The following OSBPL6 variants were observed in gnomAD, a reference collection of about 807,000 sequenced individuals.
OSBPL6 encodes oxysterol-binding protein-related protein 6.
A neutral mutation model predicts 125.8 loss-of-function variants in OSBPL6; 49 were observed. The ratio of observed to expected loss-of-function variants is 0.39; its 90% CI spans 0.31 to 0.49. The LOEUF (loss-of-function observed/expected upper bound fraction) is 0.49. Ranked by LOEUF, OSBPL6 falls within the 20% of genes least tolerant of loss-of-function variation. The probability of loss-of-function intolerance (pLI) is 0.88; values close to 1 mark genes in which losing one functional copy is unlikely to be tolerated. For missense variants in OSBPL6, 986 were observed against 1,135.4 expected, an observed-to-expected ratio of 0.87 and a Z score of 1.89; for synonymous variants, 394 against 391.8, an observed-to-expected ratio of 1.01 and a Z score of -0.07.
chr2:178,384,255 A>G (rs1694740834), intron 18 of OSBPL6, 79 bp downstream of exon 18: 2 of 1,517,152 alleles, frequency 1.3e-6, no homozygotes, highest in Admixed American at 1.8e-5. Flanking sequence ...TTCGATAACA[A>G]TCTGTTGGGA....
At chr2:178,276,404 G>A (rs1418115059) in intron 1 of OSBPL6, among the ~76,000 whole-genome samples, 4 of 132,748 alleles carry the variant, frequency 3.0e-5, no homozygotes, top group East Asian at 4.3e-4. Context: ...ACGGAGTCTC[G>A]CTCTGTCGCC....
rs199576007 is a variant in OSBPL6 at position 178,202,832 on chromosome 2, A to AG, written c.-351+8158_-351+8159insG. Among the ~76,000 whole-genome samples, 1,004 of 151,666 alleles carry AG rather than the reference A, an allele frequency of 6.6e-3. 11 individuals carry two copies. Among genetic ancestry groups the AG allele is most frequent in the African/African-American group, 0.022 (927 of 41,314 alleles). Reference sequence around the variant, plus strand: ...GTGAGACTGTCTCAAAAAAAAAAAAAAAAGAAAGAAAGAAAAAGATTCTTT... The same window carrying AG: ...GTGAGACTGTCTCAAAAAAAAAAAAAGAAAGAAAGAAAGAAAAAGATTCTTT... On this transcript the variant is annotated intron_variant, in intron 1 of 24. Transcript: ENST00000190611.
intron 1 of OSBPL6, among the ~76,000 whole-genome samples, chr2:178,275,606 T>C (rs2092453784): frequency 6.6e-6 from 1 of 151,806 alleles, no homozygotes; most frequent in South Asian, 2.1e-4. Context: ...CAGTAGGAAA[T>C]TGGAAATGCA....
intron 1 of OSBPL6, among the ~76,000 whole-genome samples, chr2:178,213,655 T>A (rs760338294): frequency 9.8e-4 from 149 of 152,252 alleles, no homozygotes; most frequent in Admixed American, 4.7e-3. Flanking sequence ...CACTATGTGC[T>A]TAAACACGTG....
rs117485626 is a variant in OSBPL6 at position 178,301,029 on chromosome 2, A to G, written c.-155-5001A>G. Among the ~76,000 whole-genome samples the G allele has an allele frequency of 4.3e-4, 66 of 152,246 alleles. 1 individual carries two copies. The East Asian group carries it at 0.011, about 24-fold the overall frequency. On this transcript the variant is annotated intron_variant, in intron 2 of 24. Coordinates refer to ENST00000190611, the MANE Select transcript of OSBPL6 (RefSeq NM_032523.4). ...GGTAAGATCAATTATTAGTTAAAAC[A>G]TTAAATAGAAATTGGAAATACTTCA...
chr2:178,240,302 C>T (rs774722648), intron 1 of OSBPL6, among the ~76,000 whole-genome samples: 1 of 152,130 alleles, frequency 6.6e-6, no homozygotes, highest in Non-Finnish European at 1.5e-5. Flanking sequence ...TGCGGTGGCT[C>T]ACACCTGTAA....
chr2:178,317,314 C>T (rs1687827537), intron 3 of OSBPL6, among the ~76,000 whole-genome samples: 2 of 150,844 alleles, frequency 1.3e-5, no homozygotes, highest in South Asian at 2.1e-4. Context: ...AAGCTTGGCA[C>T]AAGTTTTTCA....
At chr2:178,208,923 T>C (rs1369735251) in intron 1 of OSBPL6, among the ~76,000 whole-genome samples, 1 of 149,938 alleles carries the variant, frequency 6.7e-6, no homozygotes, top group African/African-American at 2.4e-5. Context: ...TGATTTATAG[T>C]CTGGGCCTAA....
At chr2:178,240,462 G>A (rs1424240335) in intron 1 of OSBPL6, among the ~76,000 whole-genome samples, 1 of 152,194 alleles carries the variant, frequency 6.6e-6, no homozygotes, top group East Asian at 1.9e-4. Flanking sequence ...CAGCTACTAG[G>A]AAGGCTGAGG....
intron 1 of OSBPL6, among the ~76,000 whole-genome samples, chr2:178,244,898 C>T (rs1244014523): frequency 6.6e-6 from 1 of 152,160 alleles, no homozygotes; most frequent in Non-Finnish European, 1.5e-5. Flanking sequence ...GTTACTTTCC[C>T]CCAACAATGT....
At chr2:178,295,725 T>C (rs1272116917) in intron 2 of OSBPL6, among the ~76,000 whole-genome samples, 1 of 152,076 alleles carries the variant, frequency 6.6e-6, no homozygotes, top group Non-Finnish European at 1.5e-5. Context: ...TGGAAGGTGT[T>C]GTGTTTATAT....
At chr2:178,324,146 A>T in intron 3 of OSBPL6, 31 bp from the exon 4 acceptor site, 1 of 1,390,220 alleles carries the variant, frequency 7.2e-7, no homozygotes, top group Middle Eastern at 1.8e-4. Context: ...TGAGTTGTCT[A>T]ACCCTGGGCT....
intron 8 of OSBPL6, among the ~76,000 whole-genome samples, chr2:178,335,221 G>T (rs1317954334): frequency 6.6e-6 from 1 of 150,980 alleles, no homozygotes; most frequent in Non-Finnish European, 1.5e-5. Context: ...TAAATTTATT[G>T]ATGAAAATAT....
chr2:178,289,054 G>A (rs1443851256), intron 2 of OSBPL6, among the ~76,000 whole-genome samples: 1 of 122,716 alleles, frequency 8.1e-6, no homozygotes, highest in Admixed American at 1.0e-4. Context: ...GTCTCGCTCT[G>A]TCACCTAGGC....
At chr2:178,276,263 A>G (rs1324644651) in intron 1 of OSBPL6, among the ~76,000 whole-genome samples, 1 of 151,982 alleles carries the variant, frequency 6.6e-6, no homozygotes, top group African/African-American at 2.4e-5. Flanking sequence ...CTTTCCCTGA[A>G]GTTTTCTCTC....
At chr2:178,328,144 C>G in intron 4 of OSBPL6, 112 bp from the exon 5 acceptor site, 3 of 1,356,288 alleles carry the variant, frequency 2.2e-6, no homozygotes, top group Non-Finnish European at 3.0e-6. Context: ...GTTCATCCTT[C>G]TTTCTGGTGG....
At chr2:178,384,007 A>C in intron 17 of OSBPL6, 32 bp from the exon 18 acceptor site, 2 of 1,609,932 alleles carry the variant, frequency 1.2e-6, no homozygotes, top group Non-Finnish European at 1.7e-6. Context: ...CGTCTCTCCT[A>C]TATTATTCCC....
intron 10 of OSBPL6, 122 bp from the exon 11 acceptor site, chr2:178,339,550 G>T: frequency 3.5e-6 from 2 of 569,526 alleles, no homozygotes; most frequent in Non-Finnish European, 5.6e-6. Flanking sequence ...TTTCTGTCCT[G>T]GCTGGTTTGC....
chr2:178,287,396 T>C (rs1362976522), intron 2 of OSBPL6, among the ~76,000 whole-genome samples: 1 of 151,752 alleles, frequency 6.6e-6, no homozygotes, highest in Non-Finnish European at 1.5e-5. Flanking sequence ...ATTTTGAGTA[T>C]CTTAGTTTCC....
Sources: allele counts gnomAD v4.1 joint callset (sites outside exome capture counted in the v4.1 genomes callset), GRCh38; gene constraint gnomAD v4.1.1; transcripts MANE v1.5; gene names NCBI Gene and HGNC (gene_info 2026-07-23, HGNC 2026-07-21).